The following CAND1 variants were observed in gnomAD, a reference collection of about 807,000 sequenced individuals.
The protein encoded by CAND1 is cullin associated and neddylation dissociated 1.
In CAND1, 7 loss-of-function variants were observed where a neutral mutation model predicts 108.5. That is an observed-to-expected ratio of 0.06 (90% CI 0.04 to 0.12). The LOEUF is 0.12. Among genes scored for constraint, CAND1 ranks in the 10% least tolerant of loss-of-function variants. The probability of loss-of-function intolerance (pLI) is 1.00; values close to 1 mark genes in which losing one functional copy is unlikely to be tolerated. For synonymous variants in CAND1, 534 were observed against 512.0 expected, an observed-to-expected ratio of 1.04 and a Z score of -0.58; for missense variants, 941 against 1,448.7, an observed-to-expected ratio of 0.65 and a Z score of 5.69.
At chr12:67,311,925 T>A in intron 14 of CAND1, 125 bp downstream of exon 14, 2 of 601,780 alleles carry the variant, frequency 3.3e-6, no homozygotes, top group South Asian at 4.3e-5. Flanking sequence ...TTTAAAAAGT[T>A]AACCTATCGA....
intron 11 of CAND1, 121 bp from the exon 12 acceptor site, chr12:67,309,780 G>A (rs968281128): frequency 4.6e-5 from 31 of 669,356 alleles, no homozygotes; most frequent in South Asian, 9.9e-5. Context: ...TTCCCTGACC[G>A]TCACTGAAGA....
Position 67,306,551 on chromosome 12 carries a change from T to C in CAND1, c.2883T>C (p.Ile961=). Residue 961 remains isoleucine (I), a synonymous_variant, in exon 10 of 15, where the codon ATT becomes ATC. Transcript: ENST00000545606. Reference sequence around the variant, plus strand: ...AATGTCTAGGAAAACTCACTCTAATTGATCCAGAAACTCTCCTTCCACGGC... The same window carrying C: ...AATGTCTAGGAAAACTCACTCTAATCGATCCAGAAACTCTCCTTCCACGGC... ...VAECLGKLTL[I]DPETLLPRLK... 1 of 1,613,916 alleles carries C rather than the reference T, an allele frequency of 6.2e-7. No homozygotes were observed. The highest frequency in any genetic ancestry group is 2.2e-5 in the East Asian group (1 of 44,868).
At chr12:67,275,339 C>T (rs2044558873) in intron 1 of CAND1, among the ~76,000 whole-genome samples, 1 of 152,068 alleles carries the variant, frequency 6.6e-6, no homozygotes, top group Admixed American at 6.6e-5. Flanking sequence ...CCAGCCTGGA[C>T]AACATGGTGA....
rs554742081 is a variant in CAND1, at chr12:67,297,009, G to C, written c.492-398G>C. Among the ~76,000 whole-genome samples, 3 of 152,080 alleles carry C rather than the reference G, an allele frequency of 2.0e-5. No individual in the cohort carries two copies. The South Asian group carries it at 6.2e-4, about 32-fold the overall frequency. On this transcript the variant is annotated intron_variant, in intron 4 of 14. Coordinates refer to ENST00000545606, the MANE Select transcript of CAND1 (RefSeq NM_018448.5). ...GATGAGGTTTTGCCATGTTGCCCAGGCTGGTCTCGAACTCCTGGGGTCAAG... is the reference window on the plus strand; with the variant it reads ...GATGAGGTTTTGCCATGTTGCCCAGCCTGGTCTCGAACTCCTGGGGTCAAG...
intron 2 of CAND1, among the ~76,000 whole-genome samples, chr12:67,289,650 T>G (rs1442325126): frequency 6.6e-6 from 1 of 152,228 alleles, no homozygotes; most frequent in Admixed American, 6.5e-5. Flanking sequence ...GTGCTCGGAT[T>G]ACAATCGTGA....
Position 67,306,604 on chromosome 12 carries a change from A to G in CAND1, c.2929+7A>G, listed in dbSNP as rs1236987004. On this transcript the variant is annotated splice_region_variant and intron_variant, in intron 10 of 14. Coordinates refer to ENST00000545606, the MANE Select transcript of CAND1 (RefSeq NM_018448.5). ...AAGGGGTACTTGATATCAGGTAGGT[A>G]TCTAGATTTTCTTACTTAAAAAGTT... is the stretch of plus-strand genomic sequence containing the variant. 6 of 1,561,330 alleles carry G rather than the reference A, an allele frequency of 3.8e-6. No individual in the cohort carries two copies. Among genetic ancestry groups the G allele is most frequent in the Non-Finnish European group, 5.2e-6 (6 of 1,157,170 alleles).
In CAND1 at chr12:67,302,753, T is replaced by A. The variant is rs892450353; in HGVS notation, c.1293+138T>A. 4.5e-6 allele frequency: 3 copies of A among 660,200 alleles called. No individual in the cohort carries two copies. In the African/African-American group the frequency reaches 5.5e-5, roughly 12 times the overall value. 40.9% of individuals were successfully genotyped at this position (660,200 alleles called of 1,614,324 possible). A position where few individuals can be genotyped will look rare whatever the true frequency, so the allele number is the denominator to read the frequency against. On this transcript the variant is annotated intron_variant, in intron 8 of 14. Coordinates refer to ENST00000545606, the MANE Select transcript of CAND1 (RefSeq NM_018448.5). The stretch of plus-strand genomic sequence containing the variant: ...AGGATATGTTTATATAGTTAATGCA[T>A]GTTCATATTATGTTAGTTGTAAACT...
At chr12:67,308,804 C>A (rs960840925) in intron 11 of CAND1, among the ~76,000 whole-genome samples, 1 of 151,850 alleles carries the variant, frequency 6.6e-6, no homozygotes, top group Admixed American at 6.6e-5. Context: ...TTTGAAACCA[C>A]GCTGTTTCTC....
intron 1 of CAND1, 142 bp downstream of exon 1, chr12:67,269,927 C>G: frequency 3.2e-6 from 2 of 621,754 alleles, no homozygotes; most frequent in East Asian, 6.6e-5. Context: ...GTCCGCTGGC[C>G]TCCCGATCCC....
Position 67,306,546 on chromosome 12 carries a change from C to G in CAND1, c.2878C>G (p.Leu960Val). Residue 960 changes from leucine (L) to valine (V), a missense_variant, in exon 10 of 15, where the codon CTA (leucine) becomes GTA (valine). Transcript: ENST00000545606. ...TGCTGAATGTCTAGGAAAACTCACT[C>G]TAATTGATCCAGAAACTCTCCTTCC... is the stretch of plus-strand genomic sequence containing the variant. ...VVAECLGKLT[L>V]IDPETLLPRL... 1.2e-6 allele frequency: 2 copies of G among 1,613,894 alleles called. No individual in the cohort carries two copies. The highest frequency in any genetic ancestry group is 1.7e-6 in the Non-Finnish European group (2 of 1,179,866).
chr12:67,289,547 C>A (rs1053181811), intron 2 of CAND1, among the ~76,000 whole-genome samples: 5 of 152,154 alleles, frequency 3.3e-5, no homozygotes, highest in African/African-American at 1.2e-4. Flanking sequence ...CCACCACACC[C>A]AGCTAATTTT....
Position 67,297,832 on chromosome 12 carries a change from C to T in CAND1, c.833C>T (p.Ala278Val). The T allele has an allele frequency of 6.3e-7, 1 of 1,584,698 alleles. No individual in the cohort carries two copies. The highest frequency in any genetic ancestry group is 8.6e-7 in the Non-Finnish European group (1 of 1,162,296). ...DDELREYCIQ[A>V]FESFVRRCPK... is the part of the protein sequence containing the mutation. ...GAATTAAGAGAGTACTGTATTCAAG[C>T]CTTTGAATCATTTGTAAGAAGGTAA... The change falls in exon 6 of 15, where the codon GCC becomes GTC. Residue 278 changes from alanine to valine, a missense_variant. Ala to Val is a moderately conservative substitution (Grantham distance 64). Around this residue, in one of 9 missense-constraint regions of CAND1, gnomAD observed 697 missense variants for 942.0 expected, o/e 0.74. Coordinates refer to ENST00000545606, the MANE Select transcript of CAND1 (RefSeq NM_018448.5).
chr12:67,290,938 A>G (rs764170925), intron 2 of CAND1, among the ~76,000 whole-genome samples: 3 of 152,140 alleles, frequency 2.0e-5, no homozygotes, highest in Non-Finnish European at 4.4e-5. Context: ...CTGTGTGTGC[A>G]AGGCATCTAG....
At chr12:67,307,721 C>T (rs548135011) in intron 11 of CAND1, among the ~76,000 whole-genome samples, 13 of 152,120 alleles carry the variant, frequency 8.5e-5, no homozygotes, top group African/African-American at 3.1e-4. Context: ...ACCAGCATGT[C>T]TTTAGAGTCA....
chr12:67,302,028 T>C (rs975912927), intron 7 of CAND1, among the ~76,000 whole-genome samples: 2 of 152,196 alleles, frequency 1.3e-5, no homozygotes, highest in African/African-American at 2.4e-5. Context: ...AATGTGTTAA[T>C]TGATGATTTT....
intron 7 of CAND1, among the ~76,000 whole-genome samples, chr12:67,299,628 C>G (rs1036144938): frequency 6.6e-6 from 1 of 152,058 alleles, no homozygotes; most frequent in Admixed American, 6.6e-5. Flanking sequence ...AAATACTGTT[C>G]GAGGCCCCAT....
At chr12:67,281,819 T>G in intron 1 of CAND1, 91 bp from the exon 2 acceptor site, 3 of 735,402 alleles carry the variant, frequency 4.1e-6, no homozygotes, top group Non-Finnish European at 6.2e-6. Flanking sequence ...TTCTGTTGAG[T>G]GAATGGTATA....
At chr12:67,296,871 C>T (rs551223252) in intron 4 of CAND1, among the ~76,000 whole-genome samples, 16 of 152,224 alleles carry the variant, frequency 1.1e-4, no homozygotes, top group Non-Finnish European at 1.6e-4. Context: ...GATCATGGCT[C>T]ATTGCAGCCT....
At position 67,269,805 on chromosome 12, in the gene CAND1, C is replaced by G. The variant is rs1463645627; in HGVS notation, c.68+20C>G. On this transcript the variant is annotated intron_variant, in intron 1 of 14. Transcript: ENST00000545606. ...CTTTAGGTGAGGCCGAGATCCGACC[C>G]TCACCCCACCTCGGGGTTCTCGCAG... 3 of 1,593,376 alleles carry G rather than the reference C, an allele frequency of 1.9e-6. No homozygotes were observed. Among genetic ancestry groups the G allele is most frequent in the Admixed American group, 1.7e-5 (1 of 58,184 alleles).
Sources: allele counts gnomAD v4.1 joint callset (sites outside exome capture counted in the v4.1 genomes callset), GRCh38; gene constraint gnomAD v4.1.1; regional missense constraint gnomAD v4.1.1; transcripts MANE v1.5; gene names NCBI Gene and HGNC (gene_info 2026-07-23, HGNC 2026-07-21).